The following PTPN9 variants were observed in gnomAD, a reference collection of about 807,000 sequenced individuals.
The protein encoded by PTPN9 is protein tyrosine phosphatase non-receptor type 9, also known as tyrosine-protein phosphatase non-receptor type 9.
In PTPN9, 26 loss-of-function variants were observed where a neutral mutation model predicts 69.8. The observed-to-expected ratio is 0.37, with a 90% confidence interval of 0.27 to 0.52. The LOEUF (loss-of-function observed/expected upper bound fraction) is 0.52. PTPN9 is among the 20% of genes least tolerant of loss of function. The pLI is 0.91. For missense variants in PTPN9, 549 were observed against 740.3 expected, an observed-to-expected ratio of 0.74 and a Z score of 3.00; for synonymous variants, 274 against 272.5, an observed-to-expected ratio of 1.01 and a Z score of -0.05.
At chr15:75,575,957 G>A (rs1469534686) in intron 1 of PTPN9, among the ~76,000 whole-genome samples, 1 of 150,598 alleles carries the variant, frequency 6.6e-6, no homozygotes, top group Admixed American at 6.6e-5. Flanking sequence ...CTCTTGGCTG[G>A]GCACAGCGGC....
intron 1 of PTPN9, among the ~76,000 whole-genome samples, chr15:75,549,440 G>A (rs113042567): frequency 1.7e-4 from 26 of 151,374 alleles, no homozygotes; most frequent in Non-Finnish European, 2.4e-4. Context: ...CAGTTCAAGC[G>A]ATCTGCCTAC....
chr15:75,568,907 T>G lies in PTPN9; in HGVS notation c.63+9807A>C, dbSNP rs549721903. ...ACTCGGTTAGGTTCCTAAGGGGCCT[T>G]TTCAAAATCAGATATAAAAGGGCTG... On this transcript the variant is annotated intron_variant, in intron 1 of 12. Transcript: ENST00000618819. Among the ~76,000 whole-genome samples the G allele has an allele frequency of 7.9e-5, 12 of 152,248 alleles. No individual in the cohort carries two copies. In the South Asian group the frequency reaches 2.5e-3, roughly 32 times the overall value.
chr15:75,540,265 T>A (rs1476900009), intron 1 of PTPN9, among the ~76,000 whole-genome samples: 1 of 152,112 alleles, frequency 6.6e-6, no homozygotes, highest in Non-Finnish European at 1.5e-5. Flanking sequence ...AATACTTTTT[T>A]AAAAATAATG....
chr15:75,578,782 C>A lies in PTPN9; in HGVS notation c.-6G>T. ...GGCGCGGTCGCGGGCTCCATCCCCC[C>A]GCCACCGCCGCCGGGCGGACAAAAC... On this transcript the variant is annotated 5_prime_UTR_variant, in exon 1 of 13. Coordinates refer to ENST00000618819, the MANE Select transcript of PTPN9 (RefSeq NM_002833.4). The A allele has an allele frequency of 2.4e-6, 3 of 1,239,326 alleles. No homozygotes were observed. Among genetic ancestry groups the A allele is most frequent in the Non-Finnish European group, 3.0e-6 (3 of 992,162 alleles). 76.8% of individuals were successfully genotyped at this position (1,239,326 alleles called of 1,614,324 possible). A position where few individuals can be genotyped will look rare whatever the true frequency, so the allele number is the denominator to read the frequency against.
At chr15:75,490,081 T>C in intron 8 of PTPN9, 127 bp downstream of exon 8, 1 of 768,010 alleles carries the variant, frequency 1.3e-6, no homozygotes, top group East Asian at 2.5e-5. Context: ...TAGCAAAATA[T>C]AAACTCAAAC....
intron 1 of PTPN9, among the ~76,000 whole-genome samples, chr15:75,547,886 G>A (rs542131525): frequency 1.1e-4 from 16 of 151,930 alleles, no homozygotes; most frequent in African/African-American, 3.6e-4. Flanking sequence ...GGCTATTGTC[G>A]AACTCCTGAT....
At chr15:75,505,056 G>T in intron 7 of PTPN9, among the ~76,000 whole-genome samples, 1 of 152,216 alleles carries the variant, frequency 6.6e-6, no homozygotes, top group Non-Finnish European at 1.5e-5. Flanking sequence ...AAATCGGATG[G>T]TTGCCGTGTC....
At chr15:75,549,138 TTTTA>T (rs996963745) in intron 1 of PTPN9, among the ~76,000 whole-genome samples, 2 of 152,082 alleles carry the variant, frequency 1.3e-5, no homozygotes, top group African/African-American at 4.8e-5. Flanking sequence ...TGCTGGTGTT[TTTTA>T]AAGAAATCCT....
chr15:75,566,639 A>T (rs1323704381), intron 1 of PTPN9, among the ~76,000 whole-genome samples: 1 of 151,574 alleles, frequency 6.6e-6, no homozygotes, highest in Admixed American at 6.6e-5. Context: ...AGATCGCACC[A>T]CTGCACTCCA....
chr15:75,477,917 T>C (rs1339130644), intron 9 of PTPN9, among the ~76,000 whole-genome samples: 1 of 144,124 alleles, frequency 6.9e-6, no homozygotes, highest in Non-Finnish European at 1.5e-5. Context: ...CGCAGTCCAC[T>C]GCAACCTCTG....
chr15:75,489,189 A>T (rs1258054806), intron 8 of PTPN9, among the ~76,000 whole-genome samples: 1 of 151,626 alleles, frequency 6.6e-6, no homozygotes, highest in African/African-American at 2.4e-5. Flanking sequence ...AAAAAAAAAA[A>T]AAAAAAAAAT....
chr15:75,557,995 G>T (rs546389508), intron 1 of PTPN9, among the ~76,000 whole-genome samples: 1 of 151,994 alleles, frequency 6.6e-6, no homozygotes, highest in Non-Finnish European at 1.5e-5. Flanking sequence ...AGGAGTTCAA[G>T]ACCAGCCTGG....
chr15:75,577,770 TA>T (rs1442730535), intron 1 of PTPN9, among the ~76,000 whole-genome samples: 33 of 152,336 alleles, frequency 2.2e-4, no homozygotes, highest in African/African-American at 6.0e-4. Context: ...TGTTTATTTT[TA>T]TTTTTTTTAT....
chr15:75,478,058 T>A (rs576546837), intron 9 of PTPN9, among the ~76,000 whole-genome samples: 1 of 152,114 alleles, frequency 6.6e-6, no homozygotes, highest in Non-Finnish European at 1.5e-5. Flanking sequence ...CCAGGCTGGT[T>A]TGGAACTCCT....
intron 1 of PTPN9, among the ~76,000 whole-genome samples, chr15:75,558,877 T>C (rs1271845795): frequency 6.6e-6 from 1 of 152,152 alleles, no homozygotes; most frequent in East Asian, 1.9e-4. Context: ...CTCGGCTCGC[T>C]ACAACCTCCA....
At chr15:75,494,538 A>G (rs1567480254) in intron 7 of PTPN9, among the ~76,000 whole-genome samples, 1 of 151,806 alleles carries the variant, frequency 6.6e-6, no homozygotes, top group Non-Finnish European at 1.5e-5. Context: ...TTTTTAGCAG[A>G]GACGGGGTTT....
chr15:75,533,696 T>C (rs1030301650), intron 1 of PTPN9, among the ~76,000 whole-genome samples: 4 of 152,206 alleles, frequency 2.6e-5, no homozygotes, highest in Admixed American at 6.5e-5. Flanking sequence ...GAACCTGCTA[T>C]AAAACAGCTG....
At chr15:75,515,228 C>T (rs2074863300) in intron 5 of PTPN9, among the ~76,000 whole-genome samples, 1 of 150,552 alleles carries the variant, frequency 6.6e-6, no homozygotes, top group African/African-American at 2.4e-5. Flanking sequence ...GAGATCGAGA[C>T]CATCTTGGCT....
chr15:75,472,689 G>C (rs573067878), intron 10 of PTPN9, among the ~76,000 whole-genome samples: 2 of 148,490 alleles, frequency 1.3e-5, no homozygotes, highest in African/African-American at 5.0e-5. Flanking sequence ...CTACTCAGGA[G>C]AATCACTTGA....
Sources: gnomAD v4.1 joint callset for allele counts (sites outside exome capture counted in the v4.1 genomes callset) on GRCh38, gnomAD v4.1.1 for gene constraint, MANE v1.5 for transcripts, NCBI Gene and HGNC (gene_info 2026-07-23, HGNC 2026-07-21) for gene names.